The following DDX39A variants were observed in gnomAD, a reference collection of about 807,000 sequenced individuals.
The protein encoded by DDX39A is DExD-box helicase 39A, also known as ATP-dependent RNA helicase DDX39A.
A neutral mutation model predicts 46.3 loss-of-function variants in DDX39A; 13 were observed. That is an observed-to-expected ratio of 0.28 (90% CI 0.18 to 0.45). The LOEUF (loss-of-function observed/expected upper bound fraction) is 0.45. Among genes scored for constraint, DDX39A ranks in the 20% least tolerant of loss-of-function variants. The probability of loss-of-function intolerance (pLI) is 1.00; values close to 1 mark genes in which losing one functional copy is unlikely to be tolerated. For synonymous variants in DDX39A, 234 were observed against 224.6 expected (o/e 1.04, Z -0.38); for missense variants, 352 against 581.8 (o/e 0.61, Z 4.06).
In DDX39A at chr19:14,410,252, C is replaced by T; in HGVS notation, c.696G>A (p.Lys232=). The part of the protein sequence containing the change: ...QCMMFSATLS[K]DIRPVCRKFM... ...ACTTCCTGCACACAGGCCGGATGTC[C>T]TTGCTCAGGGTGGCGCTGAACATCA... Residue 232 remains lysine (K), a synonymous_variant, in exon 6 of 11, where the codon AAG becomes AAA. Coordinates refer to ENST00000242776, the MANE Select transcript of DDX39A (RefSeq NM_005804.4). The surrounding 1 kb of genome is among the most constrained non-coding windows in gnomAD (Gnocchi z 4.3). 1 of 1,614,172 alleles carries T rather than the reference C, an allele frequency of 6.2e-7. No individual in the cohort carries two copies. The highest frequency in any genetic ancestry group is 8.5e-7 in the Non-Finnish European group (1 of 1,180,012).
chr19:14,416,757 G>C (rs1976826168), intron 1 of DDX39A, among the ~76,000 whole-genome samples: 1 of 152,194 alleles, frequency 6.6e-6, no homozygotes, highest in Admixed American at 6.5e-5. Context: ...TGCAATCATA[G>C]CTCACTGGAG....
intron 1 of DDX39A, among the ~76,000 whole-genome samples, chr19:14,416,669 A>G (rs1976821367): frequency 6.6e-6 from 1 of 152,058 alleles, no homozygotes. Context: ...TCAGCCACAC[A>G]GGGCATGTGT....
In DDX39A at chr19:14,412,029, C is replaced by T. The variant is rs187923163; in HGVS notation, c.337-431G>A. Among the ~76,000 whole-genome samples the T allele has an allele frequency of 2.0e-3, 312 of 152,234 alleles. 1 individual carries two copies. The highest frequency in any genetic ancestry group is 3.0e-3 in the Non-Finnish European group (207 of 68,028). The stretch of plus-strand genomic sequence containing the variant: ...TCCTTCAGGATGTGCTCTGAGATAA[C>T]GAGGGCACGGGCGCCAATATGAAGC... On this transcript the variant is annotated intron_variant, in intron 3 of 10. Transcript: ENST00000242776. The surrounding 1 kb of genome is among the most constrained non-coding windows in gnomAD (Gnocchi z 4.4).
In DDX39A at chr19:14,408,921, T is replaced by TCTGGCACGTGGTGGTTA. The variant is rs1394947889; in HGVS notation, c.1282_*14dup. The TCTGGCACGTGGTGGTTA allele has an allele frequency of 3.2e-6, 5 of 1,582,128 alleles. No homozygotes were observed. In the East Asian group the frequency reaches 1.1e-4, roughly 36 times the overall value. On this transcript the variant is annotated 3_prime_UTR_variant, in exon 11 of 11. Coordinates refer to ENST00000242776, the MANE Select transcript of DDX39A (RefSeq NM_005804.4). Reference sequence around the variant, plus strand: ...ATGCGGGCGGCTCCGGGTGGGCGGCTCTGGCACGTGGTGGTTACCGGCTCT... The same window carrying TCTGGCACGTGGTGGTTA: ...ATGCGGGCGGCTCCGGGTGGGCGGCTCTGGCACGTGGTGGTTACTGGCACGTGGTGGTTACCGGCTCT...
At position 14,412,884 on chromosome 19, in the gene DDX39A, A is replaced by G. The variant is rs1976650900; in HGVS notation, c.208+129T>C. 1.5e-6 allele frequency: 2 copies of G among 1,292,668 alleles called. No individual in the cohort carries two copies. Among genetic ancestry groups the G allele is most frequent in the African/African-American group, 1.5e-5 (1 of 67,452 alleles). 80.1% of individuals were successfully genotyped at this position (1,292,668 alleles called of 1,614,324 possible). A position where few individuals can be genotyped will look rare whatever the true frequency, so the allele number is the denominator to read the frequency against. On this transcript the variant is annotated intron_variant, in intron 2 of 10. Transcript: ENST00000242776. This position sits in a 1 kb window ranked among gnomAD's most constrained non-coding sequence, Gnocchi z 4.4. ...GCAGCCACAGGCCCCGCTGGGCACA[A>G]CTGATCCGCGGGACAGACGGGCCCC...
Position 14,410,636 on chromosome 19 carries a change from C to T in DDX39A, c.614-302G>A. ...GCAGAGACAGCCGCTGGGGTGAGAG[C>T]TGCAGCTGCCTCCCAGGACACAAGC... is the stretch of plus-strand genomic sequence containing the variant. On this transcript the variant is annotated intron_variant, in intron 5 of 10. Transcript: ENST00000242776. The surrounding 1 kb of genome is among the most constrained non-coding windows in gnomAD (Gnocchi z 4.3). 2 of 523,540 alleles carry T rather than the reference C, an allele frequency of 3.8e-6. No homozygotes were observed. The highest frequency in any genetic ancestry group is 7.0e-6 in the Non-Finnish European group (2 of 286,500). 32.4% of individuals were successfully genotyped at this position (523,540 alleles called of 1,614,324 possible).
Position 14,413,111 on chromosome 19 carries a change from G to A in DDX39A, c.110C>T (p.Ser37Phe). Residue 37 changes from serine (S) to phenylalanine (F), a missense_variant, in exon 2 of 11, where the codon TCC (serine) becomes TTC (phenylalanine). Physicochemically the swap from Ser to Phe is radical, Grantham distance 155 (BLOSUM62 -2). This residue lies in a region of DDX39A where 46 missense variants were observed against 78.2 expected (regional missense o/e 0.59). Coordinates refer to ENST00000242776, the MANE Select transcript of DDX39A (RefSeq NM_005804.4). Reference protein sequence around the residue: ...PAPPKKDIKGSYVSIHSSGFR... With the variant: ...PAPPKKDIKGFYVSIHSSGFR... Reference sequence around the variant, plus strand: ...GCCAGAGCTGTGGATGGAAACGTAGGATCCCTTGATGTCTTTCTTAGGGGG... The same window carrying A: ...GCCAGAGCTGTGGATGGAAACGTAGAATCCCTTGATGTCTTTCTTAGGGGG... The A allele has an allele frequency of 6.2e-7, 1 of 1,614,166 alleles. No individual in the cohort carries two copies. The highest frequency in any genetic ancestry group is 8.5e-7 in the Non-Finnish European group (1 of 1,180,024).
rs915765416 is a variant in DDX39A, at chr19:14,410,136, T to C, written c.732+80A>G. The C allele has an allele frequency of 1.2e-5, 15 of 1,279,728 alleles. No homozygotes were observed. The highest frequency in any genetic ancestry group is 1.2e-4 in the East Asian group (5 of 43,238). 79.3% of individuals were successfully genotyped at this position (1,279,728 alleles called of 1,614,324 possible). On this transcript the variant is annotated intron_variant, in intron 6 of 10. Coordinates refer to ENST00000242776, the MANE Select transcript of DDX39A (RefSeq NM_005804.4). The surrounding 1 kb of genome is among the most constrained non-coding windows in gnomAD (Gnocchi z 4.3). ...CAGCATCCCAGCATCCTCCGTGCCA[T>C]GTGGGCCGTGCGGGTGTCCTGGGGC...
In DDX39A at chr19:14,410,728, G is replaced by A. The variant is rs946849796; in HGVS notation, c.613+261C>T. The A allele has an allele frequency of 1.9e-6, 1 of 524,808 alleles. No homozygotes were observed. Among genetic ancestry groups the A allele is most frequent in the Non-Finnish European group, 3.4e-6 (1 of 290,654 alleles). 32.5% of individuals were successfully genotyped at this position (524,808 alleles called of 1,614,324 possible). A position where few individuals can be genotyped will look rare whatever the true frequency, so the allele number is the denominator to read the frequency against. ...GGGGCCTGGAACCAACCCAACAGGT[G>A]GCAGAAGCCTCATACTCCCAGAGGT... On this transcript the variant is annotated intron_variant, in intron 5 of 10. Coordinates refer to ENST00000242776, the MANE Select transcript of DDX39A (RefSeq NM_005804.4). This position sits in a 1 kb window ranked among gnomAD's most constrained non-coding sequence, Gnocchi z 4.3.
Position 14,410,130 on chromosome 19 carries a change from G to A in DDX39A, c.732+86C>T, listed in dbSNP as rs563199396. 16 of 1,254,042 alleles carry A rather than the reference G, an allele frequency of 1.3e-5. No individual in the cohort carries two copies. Among genetic ancestry groups the A allele is most frequent in the South Asian group, 2.4e-5 (2 of 83,520 alleles). The allele number at this position is 1,254,042 out of a possible 1,614,324, so 77.7% of individuals were successfully genotyped here. ...GGCTCCCAGCATCCCAGCATCCTCC[G>A]TGCCATGTGGGCCGTGCGGGTGTCC... On this transcript the variant is annotated intron_variant, in intron 6 of 10. Coordinates refer to ENST00000242776, the MANE Select transcript of DDX39A (RefSeq NM_005804.4). The surrounding 1 kb of genome is among the most constrained non-coding windows in gnomAD (Gnocchi z 4.3).
rs760339680 is a variant in DDX39A at position 14,409,552 on chromosome 19, T to C, written c.958A>G (p.Met320Val). The change falls in exon 8 of 11, where the codon ATG (methionine) becomes GTG (valine). Residue 320 changes from methionine to valine, a missense_variant. Around this residue, in one of 3 missense-constraint regions of DDX39A, gnomAD observed 301 missense variants for 469.9 expected, o/e 0.64. Coordinates refer to ENST00000242776, the MANE Select transcript of DDX39A (RefSeq NM_005804.4). This position sits in a 1 kb window ranked among gnomAD's most constrained non-coding sequence, Gnocchi z 8.3. ...NFPAIAIHRG[M>V]AQEERLSRYQ... ...CGCACTCACCGCTCCTCCTGGGCCA[T>C]GCCCCGGTGGATGGCGATGGCCGGG... is the stretch of plus-strand genomic sequence containing the variant. The C allele has an allele frequency of 1.9e-6, 3 of 1,609,888 alleles. No individual in the cohort carries two copies. Among genetic ancestry groups the C allele is most frequent in the Admixed American group, 3.3e-5 (2 of 59,946 alleles).
Position 14,409,769 on chromosome 19 carries a change from A to C in DDX39A, c.837T>G (p.Asp279Glu). The change falls in exon 7 of 11, where the codon GAT (aspartate) becomes GAG (glutamate). Residue 279 changes from aspartate (D) to glutamate (E), a missense_variant. By Grantham distance (45) the Asp-to-Glu change is conservative. Coordinates refer to ENST00000242776, the MANE Select transcript of DDX39A (RefSeq NM_005804.4). The surrounding 1 kb of genome is among the most constrained non-coding windows in gnomAD (Gnocchi z 8.3). ...KDSEKNRKLF[D>E]LLDVLEFNQV... ...GGTTAAACTCCAGCACATCCAAGAGATCAAAGAGCTTGCGGTTCTTCTCAC... is the reference window on the plus strand; with the variant it reads ...GGTTAAACTCCAGCACATCCAAGAGCTCAAAGAGCTTGCGGTTCTTCTCAC... 6.2e-7 allele frequency: 1 copy of C among 1,614,110 alleles called. No homozygotes were observed.
At chr19:14,419,042 G>T (rs759772102) in intron 1 of DDX39A, 3 of 453,194 alleles carry the variant, frequency 6.6e-6, no homozygotes, top group Non-Finnish European at 1.3e-5. Flanking sequence ...TCCGAGAAGC[G>T]GGCCCCGAGC....
Position 14,409,821 on chromosome 19 carries a change from T to C in DDX39A, c.785A>G (p.Gln262Arg), listed in dbSNP as rs367978289. The C allele has an allele frequency of 1.2e-6, 2 of 1,614,140 alleles. No homozygotes were observed. Among genetic ancestry groups the C allele is most frequent in the Admixed American group, 1.7e-5 (1 of 60,016 alleles). ...GTCTTTGAGTTTGACGTAGTACTGC[T>C]GCAGGCCGTGCAGCGTGAGCTTGGT... is the stretch of plus-strand genomic sequence containing the variant. Reference protein sequence around the residue: ...DETKLTLHGLQQYYVKLKDSE... With the variant: ...DETKLTLHGLRQYYVKLKDSE... Residue 262 changes from glutamine to arginine, a missense_variant, in exon 7 of 11, where the codon CAG becomes CGG. Around this residue, in one of 3 missense-constraint regions of DDX39A, gnomAD observed 301 missense variants for 469.9 expected, o/e 0.64. Transcript: ENST00000242776. This position sits in a 1 kb window ranked among gnomAD's most constrained non-coding sequence, Gnocchi z 8.3.
At chr19:14,413,539 C>T (rs1431658400) in intron 1 of DDX39A, among the ~76,000 whole-genome samples, 1 of 152,166 alleles carries the variant, frequency 6.6e-6, no homozygotes, top group African/African-American at 2.4e-5. Context: ...CCTCATCCCA[C>T]ACCACCCCCA....
intron 1 of DDX39A, among the ~76,000 whole-genome samples, chr19:14,417,730 T>G (rs1466746361): frequency 6.6e-6 from 1 of 152,164 alleles, no homozygotes; most frequent in Non-Finnish European, 1.5e-5. Flanking sequence ...CCCGGTGTGG[T>G]GGCATGGGCC....
At position 14,411,188 on chromosome 19, in the gene DDX39A, G is replaced by A. The variant is rs1381064208; in HGVS notation, c.430-16C>T. 9.0e-6 allele frequency: 14 copies of A among 1,559,162 alleles called. No homozygotes were observed. The highest frequency in any genetic ancestry group is 1.0e-5 in the Non-Finnish European group (12 of 1,153,076). ...ACACAGACACCTATGGGGATGAGGA[G>A]GAAACCGCTCCATGCTGATACACGG... On this transcript the variant is annotated splice_polypyrimidine_tract_variant and intron_variant, in intron 4 of 10. Coordinates refer to ENST00000242776, the MANE Select transcript of DDX39A (RefSeq NM_005804.4). The surrounding 1 kb of genome is among the most constrained non-coding windows in gnomAD (Gnocchi z 4.1).
rs1976612155 is a variant in DDX39A, at chr19:14,412,037, C to CG, written c.337-440dup. On this transcript the variant is annotated intron_variant, in intron 3 of 10. Coordinates refer to ENST00000242776, the MANE Select transcript of DDX39A (RefSeq NM_005804.4). This position sits in a 1 kb window ranked among gnomAD's most constrained non-coding sequence, Gnocchi z 4.4. ...GATGTGCTCTGAGATAACGAGGGCA[C>CG]GGGCGCCAATATGAAGCCCAAAGAT... is the stretch of plus-strand genomic sequence containing the variant. Among the ~76,000 whole-genome samples, 3 of 152,304 alleles carry CG rather than the reference C, an allele frequency of 2.0e-5. No homozygotes were observed. In the South Asian group the frequency reaches 6.2e-4, roughly 32 times the overall value.
At chr19:14,417,419 G>A (rs969681058) in intron 1 of DDX39A, among the ~76,000 whole-genome samples, 2 of 143,160 alleles carry the variant, frequency 1.4e-5, no homozygotes, top group Admixed American at 7.6e-5. Flanking sequence ...CCAGGAGTTC[G>A]AGACCAACCT....
Sources: gnomAD v4.1 joint callset for allele counts (sites outside exome capture counted in the v4.1 genomes callset) on GRCh38, gnomAD v4.1.1 for gene constraint, gnomAD v4.1.1 regional missense constraint, Gnocchi (gnomAD v3.1) non-coding constraint, MANE v1.5 for transcripts, NCBI Gene and HGNC (gene_info 2026-07-23, HGNC 2026-07-21) for gene names.